TRAPPC9: variants seen among roughly 807,000 people sequenced by gnomAD.
TRAPPC9 encodes the protein trafficking protein particle complex subunit 9.
TRAPPC9 carries 83 observed loss-of-function variants against 124.0 expected under a neutral mutation model. The observed-to-expected ratio is 0.67, with a 90% CI of 0.56 to 0.80. The LOEUF (loss-of-function observed/expected upper bound fraction) is 0.80. TRAPPC9 is among the 30% of genes least tolerant of loss of function. TRAPPC9 has a pLI of 0.00. For missense variants in TRAPPC9, 1,302 were observed against 1,508.3 expected, an observed-to-expected ratio of 0.86 and a Z score of 2.27; for synonymous variants, 638 against 617.5, an observed-to-expected ratio of 1.03 and a Z score of -0.49.
chr8:140,417,312 T>TG (rs748925018), intron 5 of TRAPPC9, among the ~76,000 whole-genome samples: 5 of 152,054 alleles, frequency 3.3e-5, no homozygotes, highest in African/African-American at 7.2e-5. Context: ...GCAATCTATC[T>TG]GACAAAGGGC....
At chr8:140,201,459 T>C (rs1161736904) in intron 17 of TRAPPC9, among the ~76,000 whole-genome samples, 2 of 152,242 alleles carry the variant, frequency 1.3e-5, no homozygotes, top group African/African-American at 4.8e-5. Context: ...TCCACTGATT[T>C]TTTTATAACA....
chr8:140,088,673 C>T (rs771571546), intron 17 of TRAPPC9, among the ~76,000 whole-genome samples: 8 of 152,212 alleles, frequency 5.3e-5, no homozygotes, highest in East Asian at 1.9e-4. Flanking sequence ...AATACAACTA[C>T]GCTACTTCCT....
chr8:140,024,772 T>C (rs1840031512), intron 17 of TRAPPC9, among the ~76,000 whole-genome samples: 1 of 151,758 alleles, frequency 6.6e-6, no homozygotes, highest in South Asian at 2.1e-4. Flanking sequence ...AACACGGCAT[T>C]TTAGAGAGAA....
intron 9 of TRAPPC9, among the ~76,000 whole-genome samples, chr8:140,329,152 G>A (rs1252741487): frequency 6.6e-6 from 1 of 152,116 alleles, no homozygotes; most frequent in African/African-American, 2.4e-5. Flanking sequence ...GAGGGCCCAA[G>A]GATGACATCC....
chr8:140,384,334 C>T (rs2068696233), intron 7 of TRAPPC9, among the ~76,000 whole-genome samples: 1 of 151,868 alleles, frequency 6.6e-6, no homozygotes, highest in African/African-American at 2.4e-5. Flanking sequence ...TGTAAATGGG[C>T]TAAATGCTCC....
intron 19 of TRAPPC9, among the ~76,000 whole-genome samples, chr8:139,930,291 G>A (rs575858289): frequency 2.0e-5 from 3 of 152,316 alleles, no homozygotes; most frequent in East Asian, 1.9e-4. Context: ...GTGGGGCTGC[G>A]CCAGCCGGGA....
chr8:140,334,947 G>A (rs1043171567), intron 9 of TRAPPC9, among the ~76,000 whole-genome samples: 1 of 152,088 alleles, frequency 6.6e-6, no homozygotes, highest in Non-Finnish European at 1.5e-5. Context: ...AATAGAAGCA[G>A]CATGAAAAAC....
At chr8:140,277,657 A>C (rs1013166966) in intron 14 of TRAPPC9, among the ~76,000 whole-genome samples, 1 of 152,190 alleles carries the variant, frequency 6.6e-6, no homozygotes, top group African/African-American at 2.4e-5. Flanking sequence ...CTTGGGTGGG[A>C]ATCGGGCTGG....
In TRAPPC9 at chr8:140,456,880, G is replaced by A. The variant is rs1284520146; in HGVS notation, c.-11+759C>T. 4.1e-6 allele frequency: 4 copies of A among 980,944 alleles called. No homozygotes were observed. In the Admixed American group the frequency reaches 1.8e-4, roughly 45 times the overall value. The allele number at this position is 980,944 out of a possible 1,614,324, so 60.8% of individuals were successfully genotyped here. The stretch of plus-strand genomic sequence containing the variant: ...AAGACAGACAACGCATCCTAACACG[G>A]GAAAACTTTCGGTTAACAGACATTC... On this transcript the variant is annotated intron_variant, in intron 1 of 22. Coordinates refer to ENST00000438773, the MANE Select transcript of TRAPPC9 (RefSeq NM_001160372.4).
chr8:140,031,558 A>C (rs1045118463), intron 17 of TRAPPC9, among the ~76,000 whole-genome samples: 2 of 152,228 alleles, frequency 1.3e-5, no homozygotes, highest in African/African-American at 4.8e-5. Context: ...AATAGCTGTG[A>C]TGTGATCCAC....
At chr8:140,220,531 T>A (rs2063315349) in intron 17 of TRAPPC9, among the ~76,000 whole-genome samples, 1 of 152,170 alleles carries the variant, frequency 6.6e-6, no homozygotes, top group Admixed American at 6.5e-5. Context: ...ACTCTTCCCC[T>A]AAAACTAGCT....
Position 140,216,585 on chromosome 8 carries a change from C to T in TRAPPC9, c.2556+4874G>A, listed in dbSNP as rs1469771910. 6.6e-6 allele frequency among the ~76,000 whole-genome samples: 1 copy of T among 152,204 alleles called. No individual in the cohort carries two copies. Among genetic ancestry groups the T allele is most frequent in the Non-Finnish European group, 1.5e-5 (1 of 68,036 alleles). ...GGAAGGAACCAACAAACTCCGCGTG[C>T]CTCTGAAACCCTTGGCAGCCTGGCC... On this transcript the variant is annotated intron_variant, in intron 17 of 22. Transcript: ENST00000438773. The surrounding 1 kb of genome is among the most constrained non-coding windows in gnomAD (Gnocchi z 4.1).
At chr8:139,902,318 C>A (rs934331773) in intron 20 of TRAPPC9, among the ~76,000 whole-genome samples, 17 of 152,222 alleles carry the variant, frequency 1.1e-4, no homozygotes, top group African/African-American at 4.1e-4. Flanking sequence ...GCAATCAAAT[C>A]TGTGCCTCTC....
At chr8:139,897,915 TGCCCCTTGAAGAGGGCGAGA>T (rs1830766016) in intron 20 of TRAPPC9, among the ~76,000 whole-genome samples, 1 of 152,266 alleles carries the variant, frequency 6.6e-6, no homozygotes, top group Non-Finnish European at 1.5e-5. Flanking sequence ...GCACTTGTGT[TGCCCCTTGAAGAGGGCGAGA>T]GCCCCTTGGA....
intron 14 of TRAPPC9, 147 bp downstream of exon 14, chr8:140,283,742 A>G: frequency 1.2e-6 from 1 of 831,810 alleles, no homozygotes; most frequent in Non-Finnish European, 2.0e-6. Context: ...AGCAAAGCGT[A>G]TTGATGTTGC....
At chr8:139,789,872 G>A (rs538174556) in intron 21 of TRAPPC9, among the ~76,000 whole-genome samples, 1 of 152,234 alleles carries the variant, frequency 6.6e-6, no homozygotes, top group South Asian at 2.1e-4. Flanking sequence ...TCTGTAGGCC[G>A]GCCTCAGTGC....
intron 18 of TRAPPC9, among the ~76,000 whole-genome samples, chr8:140,014,954 TAAAAAATACCAATAAGA>T (rs368763348): frequency 1.6e-3 from 240 of 152,286 alleles, no homozygotes; most frequent in African/African-American, 5.5e-3. Flanking sequence ...ACCATCATTT[TAAAAAATACCAATAAGA>T]AAAACTGCAG....
chr8:140,318,069 GA>G (rs752464291), intron 9 of TRAPPC9, among the ~76,000 whole-genome samples: 1 of 152,190 alleles, frequency 6.6e-6, no homozygotes, highest in African/African-American at 2.4e-5. Flanking sequence ...ATGAAGGTCT[GA>G]AATGATATGT....
At chr8:140,382,611 G>T (rs2068641536) in intron 7 of TRAPPC9, among the ~76,000 whole-genome samples, 1 of 152,238 alleles carries the variant, frequency 6.6e-6, no homozygotes, top group African/African-American at 2.4e-5. Context: ...TGAGGCTGGG[G>T]GGAGGCACCC....
Sources: allele counts gnomAD v4.1 joint callset (sites outside exome capture counted in the v4.1 genomes callset), GRCh38; gene constraint gnomAD v4.1.1; non-coding constraint Gnocchi (gnomAD v3.1); transcripts MANE v1.5; gene names NCBI Gene and HGNC (gene_info 2026-07-23, HGNC 2026-07-21).